PGM3: variants seen among roughly 807,000 people sequenced by gnomAD.
PGM3 encodes the protein phosphoglucomutase 3, also known as phosphoacetylglucosamine mutase.
A neutral mutation model predicts 66.2 loss-of-function variants in PGM3; 40 were observed. That is an observed-to-expected ratio of 0.60 (90% CI 0.47 to 0.79). The LOEUF (loss-of-function observed/expected upper bound fraction) is 0.79, where lower values mean the gene tolerates loss of function less well. PGM3 is among the 30% of genes least tolerant of loss of function. PGM3 has a pLI of 0.00. For missense variants in PGM3, 537 were observed against 643.4 expected (o/e 0.83, Z 1.79); for synonymous variants, 191 against 224.2 (o/e 0.85, Z 1.32).
At position 83,165,865 on chromosome 6, in the gene PGM3, G is replaced by T; in HGVS notation, c.*3369C>A. ...ATTGCAGTTTTTGGTGCATCTCATT[G>T]ATTTGCTGAGCATACTTATCAGATG... On this transcript the variant is annotated 3_prime_UTR_variant, in exon 13 of 13. Coordinates refer to ENST00000513973, the MANE Select transcript of PGM3 (RefSeq NM_015599.3). 1 of 360,966 alleles carries T rather than the reference G, an allele frequency of 2.8e-6. No homozygotes were observed. The highest frequency in any genetic ancestry group is 2.3e-5 in the South Asian group (1 of 42,854). The allele number at this position is 360,966 out of a possible 1,614,324, so 22.4% of individuals were successfully genotyped here. A position where few individuals can be genotyped will look rare whatever the true frequency, so the allele number is the denominator to read the frequency against.
At chr6:83,172,236 A>G (rs1481121671) in intron 10 of PGM3, among the ~76,000 whole-genome samples, 177 bp from the exon 11 acceptor site, 1 of 152,170 alleles carries the variant, frequency 6.6e-6, no homozygotes, top group African/African-American at 2.4e-5. Context: ...TGACAGGTCA[A>G]AATGTGGGTA....
At chr6:83,158,483 C>T (rs111340824), downstream of PGM3, 207 of 1,061,902 alleles carry the variant, frequency 1.9e-4, 1 homozygote, top group Non-Finnish European at 2.2e-4. Flanking sequence ...TTTGTTTTTG[C>T]GTTAATGAAA....
chr6:83,177,611 C>T (rs991475641), intron 8 of PGM3, among the ~76,000 whole-genome samples: 2 of 152,154 alleles, frequency 1.3e-5, no homozygotes, highest in Admixed American at 6.5e-5. Flanking sequence ...TAAAAGATGG[C>T]TAATGACAAA....
downstream of PGM3, among the ~76,000 whole-genome samples, chr6:83,159,299 G>C (rs1348815627): frequency 6.6e-6 from 1 of 151,622 alleles, no homozygotes; most frequent in East Asian, 1.9e-4. Context: ...TTTTAGACAG[G>C]GTCTCATCTT....
At chr6:83,171,197 T>C (rs1787021924) in intron 11 of PGM3, 1 of 151,964 alleles carries the variant, frequency 6.6e-6, no homozygotes, top group South Asian at 2.1e-4. Context: ...CAAAAGAGTA[T>C]TGGGAGGGGG....
Position 83,168,308 on chromosome 6 carries a change from A to C in PGM3, c.*926T>G. On this transcript the variant is annotated 3_prime_UTR_variant, in exon 13 of 13. Coordinates refer to ENST00000513973, the MANE Select transcript of PGM3 (RefSeq NM_015599.3). Reference sequence around the variant, plus strand: ...GTATTTAATTTAAATATTTGTATATAAGAGCAAATGTCTGAATGTGGCCTG... The same window carrying C: ...GTATTTAATTTAAATATTTGTATATCAGAGCAAATGTCTGAATGTGGCCTG... The C allele has an allele frequency of 7.0e-7, 1 of 1,429,088 alleles. No homozygotes were observed. Among genetic ancestry groups the C allele is most frequent in the South Asian group, 1.6e-5 (1 of 64,398 alleles). 88.5% of individuals were successfully genotyped at this position (1,429,088 alleles called of 1,614,324 possible). A position where few individuals can be genotyped will look rare whatever the true frequency, so the allele number is the denominator to read the frequency against.
chr6:83,192,645 T>C (rs1456113069), intron 1 of PGM3, among the ~76,000 whole-genome samples: 1 of 151,972 alleles, frequency 6.6e-6, no homozygotes, highest in Non-Finnish European at 1.5e-5. Context: ...CAGTCAGTTA[T>C]GTGTCATGAT....
downstream of PGM3, chr6:83,159,838 A>C (rs766151881): frequency 6.2e-7 from 1 of 1,614,054 alleles, no homozygotes; most frequent in African/African-American, 1.3e-5. Context: ...CAACGTACAC[A>C]GGAGGTAATG....
In PGM3 at chr6:83,191,180, G is replaced by A. The variant is rs755174589; in HGVS notation, c.-2-166C>T. 7.7e-5 allele frequency: 118 copies of A among 1,527,516 alleles called. No individual in the cohort carries two copies. The highest frequency in any genetic ancestry group is 9.9e-5 in the Non-Finnish European group (113 of 1,139,288). The allele number at this position is 1,527,516 out of a possible 1,614,324, so 94.6% of individuals were successfully genotyped here. ...GCAGGAGAGTAAGTCCTGTGGGTTA[G>A]AATTACCTACAAGATGTTGTCCAAC... On this transcript the variant is annotated intron_variant, in intron 1 of 12. Transcript: ENST00000513973.
downstream of PGM3, chr6:83,160,017 A>T: frequency 6.4e-7 from 1 of 1,554,058 alleles, no homozygotes; most frequent in Non-Finnish European, 8.8e-7. Flanking sequence ...TGCTTTGGTC[A>T]CTGACATCTA....
At chr6:83,173,057 T>G (rs1490656429) in intron 10 of PGM3, among the ~76,000 whole-genome samples, 1 of 152,136 alleles carries the variant, frequency 6.6e-6, no homozygotes, top group African/African-American at 2.4e-5. Context: ...ACAAAAGAAT[T>G]TAGTGTTTCC....
intron 10 of PGM3, among the ~76,000 whole-genome samples, chr6:83,172,689 C>A (rs1336786510): frequency 2.0e-5 from 3 of 151,974 alleles, no homozygotes; most frequent in Middle Eastern, 3.4e-3. Flanking sequence ...ACAAAAAAAA[C>A]CCACTAAAGG....
intron 5 of PGM3, among the ~76,000 whole-genome samples, chr6:83,182,359 C>T (rs1329193083): frequency 6.6e-6 from 1 of 152,178 alleles, no homozygotes; most frequent in East Asian, 1.9e-4. Context: ...CAGCTATCCT[C>T]ACCCCAAATT....
intron 5 of PGM3, 149 bp downstream of exon 5, chr6:83,182,696 T>C (rs1402680233): frequency 4.4e-6 from 3 of 686,138 alleles, no homozygotes; most frequent in Non-Finnish European, 7.3e-6. Context: ...GACCAGAACC[T>C]TGTGTAGCCC....
chr6:83,189,638 C>A (rs1035580617), intron 2 of PGM3, among the ~76,000 whole-genome samples: 3 of 152,136 alleles, frequency 2.0e-5, no homozygotes, highest in Admixed American at 2.0e-4. Flanking sequence ...ACAGCCCCAG[C>A]AATCAAATAG....
At chr6:83,169,975 A>G in intron 12 of PGM3, 2 of 385,792 alleles carry the variant, frequency 5.2e-6, no homozygotes, top group Non-Finnish European at 9.8e-6. Context: ...TCACAAGAGT[A>G]TATTTTTAAA....
At chr6:83,162,428 A>G (rs1200725434), downstream of PGM3, among the ~76,000 whole-genome samples, 1 of 152,196 alleles carries the variant, frequency 6.6e-6, no homozygotes, top group Non-Finnish European at 1.5e-5. Flanking sequence ...GTTGCAGTAC[A>G]AAGAGATAAG....
intron 7 of PGM3, among the ~76,000 whole-genome samples, 199 bp from the exon 8 acceptor site, chr6:83,178,955 C>A (rs962080796): frequency 6.6e-6 from 1 of 152,184 alleles, no homozygotes; most frequent in Non-Finnish European, 1.5e-5. Flanking sequence ...TAAAACAATT[C>A]TATGAGAATT....
chr6:83,164,831 T>A, downstream of PGM3: 1 of 820,836 alleles, frequency 1.2e-6, no homozygotes, highest in Non-Finnish European at 1.9e-6. Context: ...AGGAAGGAAG[T>A]CTTTTTTCAA....
Sources: allele counts gnomAD v4.1 joint callset (sites outside exome capture counted in the v4.1 genomes callset), GRCh38; gene constraint gnomAD v4.1.1; transcripts MANE v1.5; gene names NCBI Gene and HGNC (gene_info 2026-07-23, HGNC 2026-07-21).